SH2D4A: variants seen among roughly 807,000 people sequenced by gnomAD.
SH2D4A encodes the protein SH2 domain containing 4A, also known as SH2 domain-containing protein 4A.
A neutral mutation model predicts 64.7 loss-of-function variants in SH2D4A; 70 were observed. The observed-to-expected ratio is 1.08, with a 90% CI of 0.89 to 1.32. SH2D4A has a LOEUF of 1.32. Ranked by LOEUF, SH2D4A falls within the 40% of genes most tolerant of loss-of-function variation. SH2D4A has a pLI of 0.00. For synonymous variants in SH2D4A, 268 were observed against 200.7 expected, an observed-to-expected ratio of 1.34 and a Z score of -2.83; for missense variants, 706 against 540.1, an observed-to-expected ratio of 1.31 and a Z score of -3.04.
chr8:19,392,302 A>G (rs575191608), intron 8 of SH2D4A, among the ~76,000 whole-genome samples: 4 of 152,300 alleles, frequency 2.6e-5, no homozygotes, highest in African/African-American at 9.6e-5. Context: ...ACTTTATAGA[A>G]CTGAGTAGAA....
At chr8:19,348,222 A>G (rs1277284646) in intron 4 of SH2D4A, among the ~76,000 whole-genome samples, 2 of 152,064 alleles carry the variant, frequency 1.3e-5, no homozygotes, top group African/African-American at 4.8e-5. Flanking sequence ...CAGCCTCCCA[A>G]GAAGCTTGGA....
At chr8:19,344,050 G>A (rs12544777) in intron 4 of SH2D4A, among the ~76,000 whole-genome samples, 1 of 152,142 alleles carries the variant, frequency 6.6e-6, no homozygotes, top group African/African-American at 2.4e-5. Context: ...GCTTTGTCTG[G>A]GACGAAGAAA....
chr8:19,319,626 C>T lies in SH2D4A; in HGVS notation c.79C>T (p.Leu27=), dbSNP rs2052152079. 7.4e-6 allele frequency: 12 copies of T among 1,611,078 alleles called. No homozygotes were observed. Among genetic ancestry groups the T allele is most frequent in the Non-Finnish European group, 1.0e-5 (12 of 1,178,990 alleles). Residue 27 remains leucine (L), a synonymous_variant, in exon 2 of 10, where the codon CTG becomes TTG. Transcript: ENST00000265807. Reference sequence around the variant, plus strand: ...GCTCAGCGAAGAACAGAAACAGATCCTGTTCTTCAAGATGAGAGAGGAACA... The same window carrying T: ...GCTCAGCGAAGAACAGAAACAGATCTTGTTCTTCAAGATGAGAGAGGAACA... The part of the protein sequence containing the change: ...AELSEEQKQI[L]FFKMREEQIR...
chr8:19,390,697 C>T (rs903184874), intron 8 of SH2D4A, among the ~76,000 whole-genome samples: 2 of 152,148 alleles, frequency 1.3e-5, no homozygotes, highest in Admixed American at 1.3e-4. Flanking sequence ...TGGAACCTGC[C>T]CTCTGTCCCA....
intron 4 of SH2D4A, among the ~76,000 whole-genome samples, chr8:19,349,574 G>A (rs1224669877): frequency 6.6e-6 from 1 of 152,188 alleles, no homozygotes; most frequent in African/African-American, 2.4e-5. Flanking sequence ...TGAGTCGGGA[G>A]ATTTGTTGAC....
intron 8 of SH2D4A, among the ~76,000 whole-genome samples, chr8:19,375,987 C>A (rs938124616): frequency 1.3e-5 from 2 of 152,138 alleles, no homozygotes; most frequent in African/African-American, 2.4e-5. Flanking sequence ...CTGCCTCGGT[C>A]ACCTCTCCAG....
At chr8:19,329,564 T>C (rs1162630714) in intron 2 of SH2D4A, among the ~76,000 whole-genome samples, 1 of 152,220 alleles carries the variant, frequency 6.6e-6, no homozygotes, top group African/African-American at 2.4e-5. Flanking sequence ...TGTTTACTTG[T>C]GTGATATGGT....
chr8:19,393,618 A>G, intron 9 of SH2D4A, 77 bp downstream of exon 9: 1 of 1,449,550 alleles, frequency 6.9e-7, no homozygotes, highest in Non-Finnish European at 9.5e-7. Flanking sequence ...GACAATTACA[A>G]AGAAAAGGAC....
intron 1 of SH2D4A, among the ~76,000 whole-genome samples, chr8:19,314,531 G>T (rs368190932): frequency 1.4e-4 from 22 of 152,304 alleles, no homozygotes; most frequent in Admixed American, 7.8e-4. Context: ...GGACTCGGGG[G>T]TCACGCGGGC....
chr8:19,391,955 G>T (rs767118798), intron 8 of SH2D4A, among the ~76,000 whole-genome samples: 13 of 152,166 alleles, frequency 8.5e-5, no homozygotes, highest in Non-Finnish European at 1.9e-4. Flanking sequence ...ATGAAAAAGG[G>T]CACGCGTAGA....
chr8:19,364,074 C>A lies in SH2D4A; in HGVS notation c.709C>A (p.Arg237=). ...KEDSEWQASL[R]KSKAADEKRR... ...CTCCGACCCCGTTGTTTTTCCAGTGCGAAAATCCAAAGCAGCTGATGAGAA... is the reference window on the plus strand; with the variant it reads ...CTCCGACCCCGTTGTTTTTCCAGTGAGAAAATCCAAAGCAGCTGATGAGAA... Residue 237 remains arginine, a splice_region_variant and synonymous_variant, in exon 7 of 10, where the codon CGA becomes AGA. Coordinates refer to ENST00000265807, the MANE Select transcript of SH2D4A (RefSeq NM_022071.4). The A allele has an allele frequency of 6.2e-7, 1 of 1,613,814 alleles. No homozygotes were observed. Among genetic ancestry groups the A allele is most frequent in the Non-Finnish European group, 8.5e-7 (1 of 1,179,892 alleles).
chr8:19,373,961 G>A (rs2053153495), intron 8 of SH2D4A, among the ~76,000 whole-genome samples: 1 of 152,212 alleles, frequency 6.6e-6, no homozygotes, highest in African/African-American at 2.4e-5. Context: ...TAGGGTGCTT[G>A]TTTGTGACTT....
chr8:19,380,821 TTTTC>T (rs373008055), intron 8 of SH2D4A, among the ~76,000 whole-genome samples: 16 of 152,276 alleles, frequency 1.1e-4, no homozygotes, highest in African/African-American at 3.9e-4. Context: ...TCTTCCTGTT[TTTTC>T]TTCTTTTTCG....
intron 5 of SH2D4A, among the ~76,000 whole-genome samples, chr8:19,360,358 T>C (rs2052862248): frequency 6.6e-6 from 1 of 151,700 alleles, no homozygotes; most frequent in Non-Finnish European, 1.5e-5. Context: ...CTCATGCCTG[T>C]AATCACAGCA....
chr8:19,388,800 T>C (rs556218772), intron 8 of SH2D4A, among the ~76,000 whole-genome samples: 15 of 152,228 alleles, frequency 9.9e-5, no homozygotes, highest in Admixed American at 2.0e-4. Context: ...CAAGCATTCA[T>C]TAAACTCTTT....
At chr8:19,325,629 G>A (rs9325856) in intron 2 of SH2D4A, among the ~76,000 whole-genome samples, 26,354 of 152,072 alleles carry the variant, frequency 0.17, 4,147 homozygotes, top group African/African-American at 0.42. Flanking sequence ...CTATTTTCTA[G>A]TTCTTCCATC....
intron 3 of SH2D4A, 119 bp from the exon 4 acceptor site, chr8:19,334,567 C>T (rs560782069): frequency 9.4e-7 from 1 of 1,061,918 alleles, no homozygotes; most frequent in Admixed American, 2.7e-5. Flanking sequence ...ATGTTAGAAG[C>T]ACTCAGTAAG....
intron 1 of SH2D4A, 75 bp from the exon 2 acceptor site, chr8:19,319,269 T>C: frequency 9.2e-7 from 1 of 1,081,340 alleles, no homozygotes. Flanking sequence ...TCCTAGCTTT[T>C]TTTTTTAAAC....
chr8:19,369,173 A>G (rs1036056162), intron 7 of SH2D4A, among the ~76,000 whole-genome samples: 1 of 152,138 alleles, frequency 6.6e-6, no homozygotes. Context: ...CGTCCCTGAG[A>G]TGAATTTCCT....
Sources: allele counts gnomAD v4.1 joint callset (sites outside exome capture counted in the v4.1 genomes callset), GRCh38; gene constraint gnomAD v4.1.1; transcripts MANE v1.5; gene names NCBI Gene and HGNC (gene_info 2026-07-23, HGNC 2026-07-21).